The following CCDC97 variants were observed in gnomAD, a reference collection of about 807,000 sequenced individuals.
CCDC97 encodes the protein coiled-coil domain containing 97.
A neutral mutation model predicts 33.9 loss-of-function variants in CCDC97; 27 were observed. The ratio of observed to expected loss-of-function variants is 0.80; its 90% CI spans 0.59 to 1.10. The LOEUF (loss-of-function observed/expected upper bound fraction) is 1.10. Ranked by LOEUF, CCDC97 falls within the 50% of genes least tolerant of loss-of-function variation. The pLI is 0.00. For missense variants in CCDC97, 422 were observed against 476.6 expected (o/e 0.89, Z 1.07); for synonymous variants, 217 against 194.0 (o/e 1.12, Z -0.99).
At chr19:41,316,340 C>G (rs1455653526) in intron 1 of CCDC97, 44 bp from the exon 2 acceptor site, 5 of 1,504,864 alleles carry the variant, frequency 3.3e-6, no homozygotes, top group Non-Finnish European at 4.6e-6. Context: ...CCAGTCCCTT[C>G]CCACACTCCC....
Position 41,316,780 on chromosome 19 carries a change from G to A in CCDC97, c.443G>A (p.Arg148His), listed in dbSNP as rs569723496. 90 of 1,608,940 alleles carry A rather than the reference G, an allele frequency of 5.6e-5. No homozygotes were observed. The highest frequency in any genetic ancestry group is 3.5e-4 in the South Asian group (32 of 90,970). The change falls in exon 2 of 5, where the codon CGC becomes CAC. Residue 148 changes from arginine to histidine, a missense_variant. Transcript: ENST00000269967. ...GCCCGGCAGGGCACTGCCCGGCCCC[G>A]CACCCTGCGTACCCGCCTGCGTAAC... ...EVARQGTARP[R>H]TLRTRLRNRR...
Position 41,310,206 on chromosome 19 carries a change from C to G in CCDC97, c.-105C>G. On this transcript the variant is annotated 5_prime_UTR_variant, in exon 1 of 5. Coordinates refer to ENST00000269967, the MANE Select transcript of CCDC97 (RefSeq NM_052848.3). ...ACTTCGGTGCCTGGGCGCAGCGGTG[C>G]ACCCGGACCCGGAACATTCTCAGGC... 1.3e-6 allele frequency: 2 copies of G among 1,485,270 alleles called. No homozygotes were observed. Among genetic ancestry groups the G allele is most frequent in the South Asian group, 2.4e-5 (2 of 82,306 alleles). 92.0% of individuals were successfully genotyped at this position (1,485,270 alleles called of 1,614,324 possible).
chr19:41,318,009 G>A (rs540727212), intron 2 of CCDC97, among the ~76,000 whole-genome samples: 24 of 142,342 alleles, frequency 1.7e-4, no homozygotes, highest in African/African-American at 2.3e-4. Context: ...AAAAAAAAAA[G>A]AAGAAAGATG....
chr19:41,312,402 T>A (rs367729177), intron 1 of CCDC97, among the ~76,000 whole-genome samples: 2 of 152,152 alleles, frequency 1.3e-5, no homozygotes, highest in African/African-American at 4.8e-5. Flanking sequence ...GTTTTTTTTC[T>A]TACTAGACTG....
At chr19:41,312,489 G>T (rs1372795073) in intron 1 of CCDC97, among the ~76,000 whole-genome samples, 1 of 152,188 alleles carries the variant, frequency 6.6e-6, no homozygotes, top group East Asian at 1.9e-4. Flanking sequence ...CACAGTGCCT[G>T]ATTTCCTGCC....
intron 4 of CCDC97, among the ~76,000 whole-genome samples, chr19:41,322,096 A>G (rs1176792593): frequency 5.3e-5 from 8 of 152,092 alleles, no homozygotes; most frequent in Admixed American, 5.2e-4. Flanking sequence ...GAAAAACTAG[A>G]GCTTTGGGGT....
At chr19:41,321,744 A>G (rs1447818146) in intron 4 of CCDC97, among the ~76,000 whole-genome samples, 2 of 152,194 alleles carry the variant, frequency 1.3e-5, no homozygotes, top group Non-Finnish European at 2.9e-5. Context: ...TAGGTGCCAG[A>G]GCCCCCAGCA....
rs1405708077 is a variant in CCDC97 at position 41,319,729 on chromosome 19, C to T, written c.658C>T (p.Leu220Phe). 1.9e-6 allele frequency: 3 copies of T among 1,613,956 alleles called. No individual in the cohort carries two copies. Among genetic ancestry groups the T allele is most frequent in the Non-Finnish European group, 2.5e-6 (3 of 1,179,868 alleles). ...PGSPGRPACPLSNLLLQSYEE... is the reference protein window; with the variant it reads ...PGSPGRPACPFSNLLLQSYEE... ...GTCCCCCGGGAGACCTGCTTGCCCG[C>T]TCTCCAACTTGCTGCTCCAGTCCTA... is the stretch of plus-strand genomic sequence containing the variant. The change falls in exon 3 of 5, where the codon CTC becomes TTC. Residue 220 changes from leucine (L) to phenylalanine (F), a missense_variant. Transcript: ENST00000269967.
chr19:41,310,214 C>A lies in CCDC97; in HGVS notation c.-97C>A. On this transcript the variant is annotated 5_prime_UTR_variant, in exon 1 of 5. Transcript: ENST00000269967. ...GCCTGGGCGCAGCGGTGCACCCGGACCCGGAACATTCTCAGGCGAAAGTGT... is the reference window on the plus strand; with the variant it reads ...GCCTGGGCGCAGCGGTGCACCCGGAACCGGAACATTCTCAGGCGAAAGTGT... 2 of 1,514,976 alleles carry A rather than the reference C, an allele frequency of 1.3e-6. No homozygotes were observed. The highest frequency in any genetic ancestry group is 1.8e-6 in the Non-Finnish European group (2 of 1,116,228). 93.8% of individuals were successfully genotyped at this position (1,514,976 alleles called of 1,614,324 possible).
At chr19:41,315,073 G>A (rs1441762384) in intron 1 of CCDC97, among the ~76,000 whole-genome samples, 8 of 151,370 alleles carry the variant, frequency 5.3e-5, no homozygotes, top group Middle Eastern at 3.2e-3. Flanking sequence ...AGGCCGAGGC[G>A]GGTGGATCAC....
In CCDC97 at chr19:41,319,773, G is replaced by A; in HGVS notation, c.702G>A (p.Gln234=). 1 of 1,613,140 alleles carries A rather than the reference G, an allele frequency of 6.2e-7. No homozygotes were observed. Among genetic ancestry groups the A allele is most frequent in the South Asian group, 1.1e-5 (1 of 91,058 alleles). ...LLQSYEEREL[Q]QRLLQQQEEE... is the part of the protein sequence containing the mutation. ...AGTCCTACGAGGAGCGGGAGCTACA[G>A]CAGCGTCTGCTCCAACAGCAGGAGG... The change falls in exon 3 of 5, where the codon CAG becomes CAA. Residue 234 remains glutamine, a synonymous_variant. Coordinates refer to ENST00000269967, the MANE Select transcript of CCDC97 (RefSeq NM_052848.3).
chr19:41,310,545 A>T (rs1014180340), intron 1 of CCDC97, 189 bp downstream of exon 1: 89 of 984,768 alleles, frequency 9.0e-5, no homozygotes, highest in Admixed American at 2.5e-4. Flanking sequence ...CTTTTCCTCC[A>T]TTCCTTCCCC....
At chr19:41,316,182 A>G (rs1354964748) in intron 1 of CCDC97, among the ~76,000 whole-genome samples, 2 of 152,100 alleles carry the variant, frequency 1.3e-5, no homozygotes, top group African/African-American at 2.4e-5. Context: ...CACCTAACAC[A>G]TTATGTTTTC....
chr19:41,319,307 T>C (rs148775340), intron 2 of CCDC97, among the ~76,000 whole-genome samples: 30 of 152,292 alleles, frequency 2.0e-4, no homozygotes, highest in African/African-American at 6.5e-4. Flanking sequence ...GCATGAGTGC[T>C]TGCGCACACA....
At chr19:41,312,817 G>C (rs982048238) in intron 1 of CCDC97, among the ~76,000 whole-genome samples, 1 of 151,740 alleles carries the variant, frequency 6.6e-6, no homozygotes, top group Admixed American at 6.6e-5. Context: ...ACGGAGTCTC[G>C]CTCTGTTGAC....
chr19:41,314,403 A>G (rs1335189139), intron 1 of CCDC97, among the ~76,000 whole-genome samples: 2 of 152,224 alleles, frequency 1.3e-5, no homozygotes, highest in East Asian at 1.9e-4. Context: ...CAGCCTCCCA[A>G]AGTGCTGGGA....
At chr19:41,320,615 C>T (rs769764526) in intron 4 of CCDC97, 145 bp downstream of exon 4, 28 of 1,040,222 alleles carry the variant, frequency 2.7e-5, no homozygotes, top group Non-Finnish European at 3.9e-5. Flanking sequence ...GGTTGAACAG[C>T]CAAAGGAAGA....
chr19:41,319,464 CTT>C (rs2037790334), intron 2 of CCDC97, 108 bp from the exon 3 acceptor site: 1 of 822,486 alleles, frequency 1.2e-6, no homozygotes, highest in Admixed American at 2.4e-5. Flanking sequence ...CATACACACA[CTT>C]GGACTGTGTA....
chr19:41,316,676 A>C lies in CCDC97; in HGVS notation c.339A>C (p.Thr113=). The change falls in exon 2 of 5, where the codon ACA becomes ACC. Residue 113 remains threonine (T), a synonymous_variant. Transcript: ENST00000269967. ...KPLVFLERFR[T]GLREEHLACF... is the part of the protein sequence containing the mutation. ...TGGTGTTCCTGGAGCGCTTCCGCAC[A>C]GGCCTCCGTGAGGAGCATCTGGCCT... The C allele has an allele frequency of 6.2e-7, 1 of 1,614,116 alleles. No homozygotes were observed. The highest frequency in any genetic ancestry group is 8.5e-7 in the Non-Finnish European group (1 of 1,180,008).
Sources: gnomAD v4.1 joint callset for allele counts (sites outside exome capture counted in the v4.1 genomes callset) on GRCh38, gnomAD v4.1.1 for gene constraint, MANE v1.5 for transcripts, NCBI Gene and HGNC (gene_info 2026-07-23, HGNC 2026-07-21) for gene names.